The following KSR2 variants were observed in gnomAD, a reference collection of about 807,000 sequenced individuals.
KSR2 encodes the protein kinase suppressor of ras 2.
In KSR2, 25 loss-of-function variants were observed where a neutral mutation model predicts 107.8. That is an observed-to-expected ratio of 0.23 (90% CI 0.17 to 0.32). The LOEUF is 0.32. Ranked by LOEUF, KSR2 falls within the 10% of genes least tolerant of loss-of-function variation. KSR2 has a pLI of 1.00. For missense variants in KSR2, 887 were observed against 1,268.9 expected, an observed-to-expected ratio of 0.70 and a Z score of 4.57; for synonymous variants, 480 against 507.0, an observed-to-expected ratio of 0.95 and a Z score of 0.71.
intron 7 of KSR2, among the ~76,000 whole-genome samples, chr12:117,574,793 G>A (rs1879164889): frequency 6.6e-6 from 1 of 151,808 alleles, no homozygotes; most frequent in Admixed American, 6.6e-5. Context: ...GACGCTGATG[G>A]TGCTGGTCCA....
intron 4 of KSR2, among the ~76,000 whole-genome samples, chr12:117,734,377 G>C (rs559467585): frequency 6.6e-6 from 1 of 151,754 alleles, no homozygotes; most frequent in South Asian, 2.1e-4. Context: ...TTAAACATTA[G>C]CCCATCCAGT....
At chr12:117,697,394 T>C (rs1742393485) in intron 4 of KSR2, among the ~76,000 whole-genome samples, 1 of 152,182 alleles carries the variant, frequency 6.6e-6, no homozygotes, top group South Asian at 2.1e-4. Flanking sequence ...TAATGAAAGT[T>C]CAAGACGCTA....
intron 4 of KSR2, among the ~76,000 whole-genome samples, chr12:117,758,400 A>G (rs974071364): frequency 6.6e-6 from 1 of 152,076 alleles, no homozygotes; most frequent in African/African-American, 2.4e-5. Context: ...GTGAACCTGG[A>G]GGCATGGTCC....
chr12:117,589,555 T>C (rs548528424), intron 5 of KSR2, among the ~76,000 whole-genome samples: 12 of 152,284 alleles, frequency 7.9e-5, no homozygotes, highest in Non-Finnish European at 1.5e-4. Flanking sequence ...TCAAATCAAC[T>C]AGCAAATTCA....
chr12:117,462,120 TAGACCAG>T lies in KSR2; in HGVS notation c.*5072_*5078del, dbSNP rs1870925813. On this transcript the variant is annotated 3_prime_UTR_variant, in exon 20 of 20. Transcript: ENST00000339824. ...GCATGACAGCAACAGCCTGACCTTG[TAGACCAG>T]GAATTCTGGGGAATCTATCTTCAAG... The T allele has an allele frequency of 6.7e-6, 1 of 149,710 alleles. No homozygotes were observed. Among genetic ancestry groups the T allele is most frequent in the Admixed American group, 6.8e-5 (1 of 14,660 alleles). 9.3% of individuals were successfully genotyped at this position (149,710 alleles called of 1,614,324 possible). A position where few individuals can be genotyped will look rare whatever the true frequency, so the allele number is the denominator to read the frequency against.
intron 5 of KSR2, among the ~76,000 whole-genome samples, chr12:117,614,960 G>GA (rs1334457592): frequency 6.6e-6 from 1 of 151,832 alleles, no homozygotes; most frequent in Non-Finnish European, 1.5e-5. Context: ...GCAGTTGAGG[G>GA]AAAAAAACTG....
At chr12:117,853,527 A>G (rs995546302) in intron 3 of KSR2, among the ~76,000 whole-genome samples, 1 of 151,922 alleles carries the variant, frequency 6.6e-6, no homozygotes, top group Non-Finnish European at 1.5e-5. Flanking sequence ...TTTTTGGTAG[A>G]GGTAGAGTCT....
At chr12:117,939,944 A>AACACACACACACAC (rs10561468) in intron 1 of KSR2, among the ~76,000 whole-genome samples, 10 of 140,070 alleles carry the variant, frequency 7.1e-5, no homozygotes, top group African/African-American at 2.1e-4. Context: ...CCATCTTAAA[A>AACACACACACACAC]ACACACACAC....
chr12:117,897,437 G>T lies in KSR2; in HGVS notation c.181-37006C>A, dbSNP rs1379396386. Among the ~76,000 whole-genome samples, 1 of 152,088 alleles carries T rather than the reference G, an allele frequency of 6.6e-6. No homozygotes were observed. The highest frequency in any genetic ancestry group is 2.4e-5 in the African/African-American group (1 of 41,412). On this transcript the variant is annotated intron_variant, in intron 1 of 19. Coordinates refer to ENST00000339824, the MANE Select transcript of KSR2 (RefSeq NM_173598.6). This position sits in a 1 kb window ranked among gnomAD's most constrained non-coding sequence, Gnocchi z 4.5. ...CTCTCCATTATCAGTAGGCATGAAA[G>T]GTTGACTAGGAAACCACATCAGCTT...
intron 3 of KSR2, among the ~76,000 whole-genome samples, chr12:117,855,207 G>T (rs1350280425): frequency 6.6e-6 from 1 of 152,126 alleles, no homozygotes; most frequent in Non-Finnish European, 1.5e-5. Flanking sequence ...AACCTCAGCG[G>T]GTCTTCCTGG....
intron 1 of KSR2, among the ~76,000 whole-genome samples, chr12:117,861,451 T>C (rs377471474): frequency 0.018 from 2,373 of 135,576 alleles, 65 homozygotes; most frequent in African/African-American, 0.059. Flanking sequence ...TGCAGTGGCG[T>C]GATCTCGGCT....
At chr12:117,474,407 C>T (rs1041109143) in intron 17 of KSR2, among the ~76,000 whole-genome samples, 3 of 152,062 alleles carry the variant, frequency 2.0e-5, no homozygotes, top group Non-Finnish European at 2.9e-5. Context: ...TTCTGATCTT[C>T]CAGAAATATC....
Position 117,766,109 on chromosome 12 carries a change from T to C in KSR2, c.473-4585A>G, listed in dbSNP as rs73400778. Among the ~76,000 whole-genome samples, 1,508 of 152,284 alleles carry C rather than the reference T, an allele frequency of 9.9e-3. 34 individuals are homozygous for C. Among genetic ancestry groups the C allele is most frequent in the African/African-American group, 0.034 (1,405 of 41,556 alleles). ...TGAAATACTTGTAGACAAATACTCA[T>C]AGCAGCACTATTCACAATTGCCAAA... On this transcript the variant is annotated intron_variant, in intron 3 of 19. Coordinates refer to ENST00000339824, the MANE Select transcript of KSR2 (RefSeq NM_173598.6).
chr12:117,608,759 A>C (rs1881426493), intron 5 of KSR2, among the ~76,000 whole-genome samples: 7 of 152,172 alleles, frequency 4.6e-5, no homozygotes, highest in Admixed American at 4.6e-4. Context: ...TTAATGGAGA[A>C]GGGACCAATG....
chr12:117,625,196 C>G (rs574850330), intron 5 of KSR2, among the ~76,000 whole-genome samples: 72 of 142,698 alleles, frequency 5.0e-4, no homozygotes, highest in African/African-American at 1.9e-3. Context: ...CCCTTTATTT[C>G]TTTCTCTTGC....
chr12:117,513,978 T>C (rs1592944133), intron 14 of KSR2, among the ~76,000 whole-genome samples: 1 of 152,226 alleles, frequency 6.6e-6, no homozygotes, highest in Non-Finnish European at 1.5e-5. Flanking sequence ...GGTTGTTAAT[T>C]ACAACGTTGT....
chr12:117,469,917 C>T (rs1289517257), intron 18 of KSR2, 122 bp from the exon 19 acceptor site: 8 of 911,480 alleles, frequency 8.8e-6, no homozygotes, highest in Non-Finnish European at 1.4e-5. Context: ...CCTCCATCAT[C>T]CATTCATCCA....
chr12:117,884,400 G>C (rs1593338361), intron 1 of KSR2, among the ~76,000 whole-genome samples: 1 of 152,184 alleles, frequency 6.6e-6, no homozygotes, highest in East Asian at 1.9e-4. Context: ...AACCTTTTCA[G>C]CTCTGCATCA....
chr12:117,540,425 G>A (rs1876397871), intron 9 of KSR2, among the ~76,000 whole-genome samples: 1 of 152,132 alleles, frequency 6.6e-6, no homozygotes, highest in Non-Finnish European at 1.5e-5. Context: ...GGCCTGCTGG[G>A]GTGGACTTCC....
Sources: gnomAD v4.1 joint callset for allele counts (sites outside exome capture counted in the v4.1 genomes callset) on GRCh38, gnomAD v4.1.1 for gene constraint, Gnocchi (gnomAD v3.1) non-coding constraint, MANE v1.5 for transcripts, NCBI Gene and HGNC (gene_info 2026-07-23, HGNC 2026-07-21) for gene names.